Variants in TSHR observed in about 807,000 individuals in gnomAD.
The protein encoded by TSHR is thyrotropin receptor.
Under a neutral mutation model 64.1 loss-of-function variants are expected in TSHR, and 51 were observed. The ratio of observed to expected loss-of-function variants is 0.80; its 90% CI spans 0.64 to 1.01. The LOEUF (loss-of-function observed/expected upper bound fraction) is 1.01. Ranked by LOEUF, TSHR falls within the 50% of genes least tolerant of loss-of-function variation. TSHR has a pLI of 0.00. For missense variants in TSHR, 877 were observed against 942.8 expected (o/e 0.93, Z 0.91); for synonymous variants, 361 against 361.9 (o/e 1.00, Z 0.03).
chr14:81,096,790 G>A (rs992371484), intron 7 of TSHR, 83 bp downstream of exon 7: 21 of 1,439,534 alleles, frequency 1.5e-5, no homozygotes, highest in Non-Finnish European at 2.0e-5. Flanking sequence ...TTGAGAGATA[G>A]GTTCTACCAG....
chr14:80,974,645 C>A (rs1198054284), intron 1 of TSHR, among the ~76,000 whole-genome samples: 1 of 152,106 alleles, frequency 6.6e-6, no homozygotes, highest in African/African-American at 2.4e-5. Context: ...TGATTCATTT[C>A]TGTGTGATGA....
intron 7 of TSHR, among the ~76,000 whole-genome samples, chr14:81,099,731 C>T (rs1300047867): frequency 2.0e-5 from 3 of 152,106 alleles, no homozygotes; most frequent in Non-Finnish European, 4.4e-5. Flanking sequence ...GATGATAAAA[C>T]GTTATTCAAG....
chr14:81,114,156 G>A (rs1283210406), intron 8 of TSHR, among the ~76,000 whole-genome samples: 1 of 147,174 alleles, frequency 6.8e-6, no homozygotes, highest in Non-Finnish European at 1.5e-5. Flanking sequence ...CCTACAAAAA[G>A]TATCACTGGG....
intron 1 of TSHR, among the ~76,000 whole-genome samples, chr14:80,999,588 A>G (rs772450608): frequency 2.0e-5 from 3 of 152,210 alleles, no homozygotes; most frequent in Non-Finnish European, 4.4e-5. Context: ...ATTAAACTAT[A>G]CAGGGTTGCT....
intron 1 of TSHR, among the ~76,000 whole-genome samples, chr14:81,038,985 T>A (rs1406642672): frequency 6.6e-6 from 1 of 151,806 alleles, no homozygotes; most frequent in Non-Finnish European, 1.5e-5. Flanking sequence ...TAATACCAAT[T>A]CTTTTGAAAC....
At chr14:81,051,865 G>T (rs1390879115) in intron 1 of TSHR, 1 of 152,018 alleles carries the variant, frequency 6.6e-6, no homozygotes, top group African/African-American at 2.4e-5. Flanking sequence ...CATGTCATTT[G>T]CCCATTTTTA....
intron 1 of TSHR, among the ~76,000 whole-genome samples, chr14:80,978,900 C>T (rs893652950): frequency 2.6e-5 from 4 of 152,106 alleles, no homozygotes; most frequent in Admixed American, 6.5e-5. Context: ...TCTCCAGCCT[C>T]GCCTACTCCC....
intron 1 of TSHR, among the ~76,000 whole-genome samples, chr14:81,020,374 T>C (rs1883684093): frequency 6.6e-6 from 1 of 152,142 alleles, no homozygotes; most frequent in East Asian, 1.9e-4. Context: ...TGAGCAAAGC[T>C]TCATCTGTAT....
chr14:80,997,787 G>A (rs976549773), intron 1 of TSHR, among the ~76,000 whole-genome samples: 2 of 152,172 alleles, frequency 1.3e-5, no homozygotes, highest in Non-Finnish European at 2.9e-5. Flanking sequence ...CTGACTTCTG[G>A]CAAAATTACA....
chr14:80,989,104 C>G (rs1369300604), intron 1 of TSHR, among the ~76,000 whole-genome samples: 1 of 152,140 alleles, frequency 6.6e-6, no homozygotes, highest in Non-Finnish European at 1.5e-5. Context: ...TTCTCTTTTC[C>G]CCATTGTCCT....
chr14:81,058,680 AC>A (rs1886001768), intron 1 of TSHR, among the ~76,000 whole-genome samples: 1 of 152,230 alleles, frequency 6.6e-6, no homozygotes, highest in African/African-American at 2.4e-5. Context: ...AATTCTTTGG[AC>A]AAAAGTGAAG....
At chr14:81,025,925 C>A (rs911895951) in intron 1 of TSHR, among the ~76,000 whole-genome samples, 1 of 152,106 alleles carries the variant, frequency 6.6e-6, no homozygotes, top group Non-Finnish European at 1.5e-5. Context: ...GGTTACTGGA[C>A]CTCAAAGGAT....
At chr14:81,097,992 A>G (rs1889325052) in intron 7 of TSHR, among the ~76,000 whole-genome samples, 1 of 152,200 alleles carries the variant, frequency 6.6e-6, no homozygotes, top group South Asian at 2.1e-4. Context: ...ATTTATTTAC[A>G]GAATTGGAGA....
At chr14:81,080,731 G>A (rs1167980545) in intron 3 of TSHR, among the ~76,000 whole-genome samples, 4 of 151,950 alleles carry the variant, frequency 2.6e-5, no homozygotes, top group Non-Finnish European at 4.4e-5. Flanking sequence ...GAAAATCCTC[G>A]ATAATGTAGG....
At chr14:81,079,013 G>A (rs887150392) in intron 3 of TSHR, 2 of 152,170 alleles carry the variant, frequency 1.3e-5, no homozygotes, top group Non-Finnish European at 2.9e-5. Context: ...GCCAGAGGAA[G>A]TAGCAATTAT....
chr14:80,981,242 AG>A (rs1437754566), intron 1 of TSHR, among the ~76,000 whole-genome samples: 1 of 152,198 alleles, frequency 6.6e-6, no homozygotes, highest in African/African-American at 2.4e-5. Flanking sequence ...TCAGCTTGGG[AG>A]GTGTCTCAGC....
At chr14:81,002,823 T>A (rs1299447918) in intron 1 of TSHR, among the ~76,000 whole-genome samples, 3 of 61,394 alleles carry the variant, frequency 4.9e-5, no homozygotes, top group Non-Finnish European at 1.1e-4. Context: ...TTTTTTTTTT[T>A]TCTTTTTTTA....
intron 3 of TSHR, among the ~76,000 whole-genome samples, chr14:81,082,774 T>A (rs190424343): frequency 7.5e-4 from 114 of 152,190 alleles, no homozygotes; most frequent in Non-Finnish European, 1.4e-3. Context: ...TCTAACTGAG[T>A]CTTCTTGGTT....
At chr14:81,047,848 G>T (rs188858136) in intron 1 of TSHR, among the ~76,000 whole-genome samples, 1 of 151,828 alleles carries the variant, frequency 6.6e-6, no homozygotes, top group South Asian at 2.1e-4. Flanking sequence ...GGGTTTCACC[G>T]TGTTAGCCAG....
Sources: allele counts gnomAD v4.1 joint callset (sites outside exome capture counted in the v4.1 genomes callset), GRCh38; gene constraint gnomAD v4.1.1; transcripts MANE v1.5; gene names NCBI Gene and HGNC (gene_info 2026-07-23, HGNC 2026-07-21).